TBC1D5: variants seen among roughly 807,000 people sequenced by gnomAD.
TBC1D5 encodes the protein TBC1 domain family member 5.
Under a neutral mutation model 100.3 loss-of-function variants are expected in TBC1D5, and 75 were observed. The ratio of observed to expected loss-of-function variants is 0.75; its 90% CI spans 0.62 to 0.91. The LOEUF is 0.91. Ranked by LOEUF, TBC1D5 falls within the 40% of genes least tolerant of loss-of-function variation. The pLI is 0.00. For missense variants in TBC1D5, 910 were observed against 942.4 expected (o/e 0.97, Z 0.45); for synonymous variants, 323 against 325.6 (o/e 0.99, Z 0.09).
intron 2 of TBC1D5, among the ~76,000 whole-genome samples, chr3:17,587,347 C>T (rs1389851638): frequency 3.3e-5 from 5 of 151,984 alleles, no homozygotes; most frequent in African/African-American, 9.7e-5. Context: ...TAAGAGCTTA[C>T]TGGTGGCTTA....
At chr3:17,402,721 T>C (rs896106024) in intron 8 of TBC1D5, among the ~76,000 whole-genome samples, 1 of 152,094 alleles carries the variant, frequency 6.6e-6, no homozygotes, top group Non-Finnish European at 1.5e-5. Flanking sequence ...CTGAGTAGAT[T>C]GAGAGAAGAA....
intron 1 of TBC1D5, among the ~76,000 whole-genome samples, chr3:17,654,934 T>G (rs1383901783): frequency 2.1e-4 from 31 of 148,432 alleles, no homozygotes; most frequent in Admixed American, 3.4e-4. Context: ...CTAGATTTTC[T>G]AGTTTATTTG....
chr3:17,191,652 T>C (rs547766123), intron 18 of TBC1D5, among the ~76,000 whole-genome samples: 11 of 152,320 alleles, frequency 7.2e-5, no homozygotes, highest in Middle Eastern at 3.4e-3. Context: ...AGTCTCGCTC[T>C]GTTGCCCAGG....
intron 2 of TBC1D5, among the ~76,000 whole-genome samples, chr3:17,579,527 T>A (rs1380479164): frequency 1.3e-5 from 2 of 151,998 alleles, no homozygotes; most frequent in African/African-American, 4.8e-5. Context: ...CTTGTAAAAA[T>A]GAGTAAGAGG....
At chr3:17,733,371 T>C (rs1274312433) in intron 1 of TBC1D5, among the ~76,000 whole-genome samples, 1 of 152,228 alleles carries the variant, frequency 6.6e-6, no homozygotes. Flanking sequence ...AAGAAAATCA[T>C]GAAATGTGAT....
intron 18 of TBC1D5, among the ~76,000 whole-genome samples, chr3:17,198,860 T>C (rs1177121599): frequency 6.6e-6 from 1 of 152,198 alleles, no homozygotes; most frequent in East Asian, 1.9e-4. Flanking sequence ...CTGGAAAGAT[T>C]CTGACTCAGT....
At chr3:17,381,512 C>T (rs894772166) in intron 9 of TBC1D5, among the ~76,000 whole-genome samples, 19 of 152,064 alleles carry the variant, frequency 1.2e-4, no homozygotes, top group Non-Finnish European at 2.1e-4. Context: ...ATCCTGGAAT[C>T]TGTGATAAAG....
intron 2 of TBC1D5, among the ~76,000 whole-genome samples, chr3:17,579,907 A>T (rs1284227405): frequency 6.6e-6 from 1 of 152,134 alleles, no homozygotes; most frequent in Admixed American, 6.6e-5. Flanking sequence ...ACCAATAGGA[A>T]AATGTGAGAA....
intron 1 of TBC1D5, among the ~76,000 whole-genome samples, chr3:17,688,326 C>G (rs1047770105): frequency 6.6e-6 from 1 of 151,938 alleles, no homozygotes; most frequent in Non-Finnish European, 1.5e-5. Flanking sequence ...TAAACTGATA[C>G]TAGTGGTTTA....
intron 17 of TBC1D5, among the ~76,000 whole-genome samples, chr3:17,226,834 A>G (rs1276422014): frequency 6.6e-6 from 1 of 152,178 alleles, no homozygotes; most frequent in Non-Finnish European, 1.5e-5. Flanking sequence ...ATTTAAAATT[A>G]TTTTAGATTG....
chr3:17,218,225 A>C, intron 17 of TBC1D5, among the ~76,000 whole-genome samples: 1 of 152,002 alleles, frequency 6.6e-6, no homozygotes. Context: ...GTTTTGATTA[A>C]AATAACTATA....
chr3:17,162,361 C>T (rs919858995), intron 21 of TBC1D5, among the ~76,000 whole-genome samples: 3 of 152,344 alleles, frequency 2.0e-5, no homozygotes, highest in African/African-American at 7.2e-5. Flanking sequence ...AGTAACAGCT[C>T]TCAGGGAAAT....
intron 3 of TBC1D5, among the ~76,000 whole-genome samples, chr3:17,464,660 C>A (rs1401064194): frequency 6.6e-6 from 1 of 152,128 alleles, no homozygotes; most frequent in Non-Finnish European, 1.5e-5. Flanking sequence ...TCCATTTTCT[C>A]ATTTGACACT....
chr3:17,224,594 T>C (rs2074645189), intron 17 of TBC1D5, among the ~76,000 whole-genome samples: 1 of 151,972 alleles, frequency 6.6e-6, no homozygotes, highest in African/African-American at 2.4e-5. Flanking sequence ...GGGTATAAAC[T>C]AACGAACAGT....
At chr3:17,554,132 A>G (rs1295470048) in intron 2 of TBC1D5, among the ~76,000 whole-genome samples, 6 of 152,332 alleles carry the variant, frequency 3.9e-5, no homozygotes, top group South Asian at 2.1e-4. Flanking sequence ...GCACCATAAC[A>G]TATTTGGTGA....
At chr3:17,327,325 G>A (rs546803873) in intron 13 of TBC1D5, among the ~76,000 whole-genome samples, 2 of 152,286 alleles carry the variant, frequency 1.3e-5, no homozygotes, top group East Asian at 1.9e-4. Context: ...CAGAGAGATC[G>A]TTTCAAAAGA....
intron 15 of TBC1D5, among the ~76,000 whole-genome samples, chr3:17,275,814 G>A (rs190644354): frequency 2.6e-5 from 4 of 152,206 alleles, no homozygotes; most frequent in Non-Finnish European, 5.9e-5. Context: ...CAGGACCCCA[G>A]TAAGACTACC....
intron 15 of TBC1D5, among the ~76,000 whole-genome samples, chr3:17,284,877 T>C (rs1448276540): frequency 5.9e-5 from 9 of 152,110 alleles, no homozygotes; most frequent in African/African-American, 2.2e-4. Flanking sequence ...ACTAAATACC[T>C]AAATATCAAC....
chr3:17,311,764 C>T (rs766346434), intron 13 of TBC1D5, among the ~76,000 whole-genome samples: 3 of 151,932 alleles, frequency 2.0e-5, no homozygotes, highest in South Asian at 2.1e-4. Flanking sequence ...GAACAAGTAA[C>T]GTAGAAACGT....
Sources: allele counts gnomAD v4.1 joint callset (sites outside exome capture counted in the v4.1 genomes callset), GRCh38; gene constraint gnomAD v4.1.1; transcripts MANE v1.5; gene names NCBI Gene and HGNC (gene_info 2026-07-23, HGNC 2026-07-21).